Variants in DOCK4 observed in about 807,000 individuals in gnomAD.
DOCK4 encodes the protein dedicator of cytokinesis 4, also known as dedicator of cytokinesis protein 4.
Under a neutral mutation model 268.1 loss-of-function variants are expected in DOCK4, and 97 were observed. The ratio of observed to expected loss-of-function variants is 0.36; its 90% CI spans 0.31 to 0.43. The LOEUF (loss-of-function observed/expected upper bound fraction) is 0.43. Among genes scored for constraint, DOCK4 ranks in the 20% least tolerant of loss-of-function variants. The probability of loss-of-function intolerance (pLI) is 1.00; values close to 1 mark genes in which losing one functional copy is unlikely to be tolerated. For missense variants in DOCK4, 2,145 were observed against 2,455.7 expected (o/e 0.87, Z 2.67); for synonymous variants, 954 against 887.2 (o/e 1.08, Z -1.34).
chr7:111,940,177 C>T lies in DOCK4; in HGVS notation c.910G>A (p.Ala304Thr), dbSNP rs370802479. ...SVQYRRPFGC[A>T]VLSIADLLTG... Reference sequence around the variant, plus strand: ...AGCAGGTCAGCGATGCTAAGAACTGCACAGCCAAAGGGTCGTCGGTACTGG... The same window carrying T: ...AGCAGGTCAGCGATGCTAAGAACTGTACAGCCAAAGGGTCGTCGGTACTGG... Residue 304 changes from alanine to threonine, a missense_variant, in exon 11 of 53, where the codon GCA becomes ACA. Coordinates refer to ENST00000428084, the MANE Select transcript of DOCK4 (RefSeq NM_001363540.2). 5 of 1,614,008 alleles carry T rather than the reference C, an allele frequency of 3.1e-6. No individual in the cohort carries two copies. The African/African-American group carries it at 5.3e-5, about 17-fold the overall frequency.
chr7:112,004,069 G>T lies in DOCK4; in HGVS notation c.100C>A (p.Gln34Lys). 6.2e-7 allele frequency: 1 copy of T among 1,604,080 alleles called. No individual in the cohort carries two copies. The highest frequency in any genetic ancestry group is 2.2e-5 in the East Asian group (1 of 44,582). ...GLSLEIGDTV[Q>K]ILEKCDGWYR... ...TCACCATCACACTTCTCCAGGATCTGAACTGTATCTCCAATTTCCAATGAC... is the reference window on the plus strand; with the variant it reads ...TCACCATCACACTTCTCCAGGATCTTAACTGTATCTCCAATTTCCAATGAC... The change falls in exon 2 of 53, where the codon CAG becomes AAG. Residue 34 changes from glutamine (Q) to lysine (K), a missense_variant. Physicochemically the swap from Gln to Lys is moderately conservative, Grantham distance 53. This residue lies in a region of DOCK4 where 1,598 missense variants were observed against 1,986.7 expected (regional missense o/e 0.80). Coordinates refer to ENST00000428084, the MANE Select transcript of DOCK4 (RefSeq NM_001363540.2).
chr7:111,778,494 T>C (rs1798594180), intron 35 of DOCK4, 125 bp from the exon 36 acceptor site: 4 of 500,302 alleles, frequency 8.0e-6, no homozygotes, highest in Non-Finnish European at 1.4e-5. Flanking sequence ...CATGTAAATA[T>C]CTCTAAAAAT....
chr7:111,737,011 T>C (rs953292573), intron 49 of DOCK4, 22 bp from the exon 50 acceptor site: 13 of 1,592,372 alleles, frequency 8.2e-6, no homozygotes, highest in Non-Finnish European at 1.0e-5. Context: ...CAAGGGTTGA[T>C]TTTTATGATG....
intron 8 of DOCK4, among the ~76,000 whole-genome samples, chr7:111,975,460 T>C (rs997423944): frequency 7.2e-5 from 11 of 152,332 alleles, no homozygotes; most frequent in East Asian, 1.9e-4. Context: ...ACAAATATTA[T>C]CTCTAAATAA....
intron 1 of DOCK4, among the ~76,000 whole-genome samples, chr7:112,145,877 A>G (rs530282991): frequency 1.8e-4 from 28 of 152,326 alleles, no homozygotes; most frequent in African/African-American, 6.5e-4. Flanking sequence ...GCAAGTATGT[A>G]AAAATATATT....
intron 20 of DOCK4, among the ~76,000 whole-genome samples, chr7:111,870,212 T>C (rs1336955103): frequency 1.3e-5 from 2 of 152,150 alleles, no homozygotes; most frequent in African/African-American, 2.4e-5. Context: ...CAAGGTAATT[T>C]TTTTTCCTGT....
intron 40 of DOCK4, 60 bp from the exon 41 acceptor site, chr7:111,758,850 G>T: frequency 3.3e-6 from 5 of 1,531,350 alleles, no homozygotes; most frequent in South Asian, 1.2e-5. Flanking sequence ...AGTCTGGCTT[G>T]GGCTGAGCTA....
chr7:111,728,266 A>G lies in DOCK4; in HGVS notation c.*8T>C. The G allele has an allele frequency of 2.7e-6, 4 of 1,476,584 alleles. No individual in the cohort carries two copies. The highest frequency in any genetic ancestry group is 3.6e-6 in the Non-Finnish European group (4 of 1,113,184). The allele number at this position is 1,476,584 out of a possible 1,614,324, so 91.5% of individuals were successfully genotyped here. A position where few individuals can be genotyped will look rare whatever the true frequency, so the allele number is the denominator to read the frequency against. On this transcript the variant is annotated 3_prime_UTR_variant, in exon 53 of 53. Transcript: ENST00000428084. The stretch of plus-strand genomic sequence containing the variant: ...AAAGAATGCATCGCAGGTACATAGA[A>G]AAGTGACTTATAACTGAGAGACCTT...
intron 1 of DOCK4, among the ~76,000 whole-genome samples, chr7:112,103,256 C>G (rs903327269): frequency 6.6e-6 from 1 of 151,896 alleles, no homozygotes; most frequent in East Asian, 1.9e-4. Context: ...ATCAAAATCC[C>G]CAAACTTGGA....
At chr7:111,801,571 A>G (rs1800284692) in intron 30 of DOCK4, 1 of 151,954 alleles carries the variant, frequency 6.6e-6, no homozygotes, top group African/African-American at 2.4e-5. Context: ...ATCCTTTTGC[A>G]TTCCTACCTT....
intron 1 of DOCK4, among the ~76,000 whole-genome samples, chr7:112,067,906 G>A (rs1807230578): frequency 6.6e-6 from 1 of 152,176 alleles, no homozygotes; most frequent in South Asian, 2.1e-4. Flanking sequence ...CATTTTTGGT[G>A]AAAGATATTG....
intron 1 of DOCK4, among the ~76,000 whole-genome samples, chr7:112,078,505 T>C (rs1554437647): frequency 6.6e-6 from 1 of 152,228 alleles, no homozygotes; most frequent in East Asian, 1.9e-4. Context: ...AGAGAGACGA[T>C]TTAGGAAAAA....
rs10561221 is a variant in DOCK4, at chr7:111,841,152, G to GATTT, written c.2736+3607_2736+3610dup. Among the ~76,000 whole-genome samples the GATTT allele has an allele frequency of 3.8e-3, 577 of 150,448 alleles. 3 individuals carry two copies. The highest frequency in any genetic ancestry group is 0.015 in the East Asian group (78 of 5,100). ...TGAGATAAGTACAACTATTTTCTCT[G>GATTT]ATTTATTTATTTATTTATTTATTTA... On this transcript the variant is annotated intron_variant, in intron 25 of 52. Coordinates refer to ENST00000428084, the MANE Select transcript of DOCK4 (RefSeq NM_001363540.2).
chr7:111,815,258 T>C (rs1801452128), intron 27 of DOCK4, among the ~76,000 whole-genome samples: 1 of 152,228 alleles, frequency 6.6e-6, no homozygotes, highest in African/African-American at 2.4e-5. Context: ...CAAATGCTTT[T>C]CTTTCATACC....
chr7:111,987,684 C>T (rs1416721822), intron 6 of DOCK4, among the ~76,000 whole-genome samples: 1 of 152,106 alleles, frequency 6.6e-6, no homozygotes, highest in African/African-American at 2.4e-5. Context: ...GCTGAAAGCG[C>T]CCTTGTGCTT....
At chr7:111,821,202 C>G (rs906744067) in intron 27 of DOCK4, 9 of 152,096 alleles carry the variant, frequency 5.9e-5, no homozygotes, top group African/African-American at 2.2e-4. Context: ...TAATCAAAAT[C>G]GAATCCTATA....
intron 1 of DOCK4, chr7:112,023,469 C>G (rs1802514539): frequency 3.0e-6 from 1 of 337,346 alleles, no homozygotes. Flanking sequence ...GTTACACTTC[C>G]CATTATAAAA....
intron 30 of DOCK4, chr7:111,808,545 A>G: frequency 3.2e-6 from 1 of 310,190 alleles, no homozygotes; most frequent in Non-Finnish European, 5.9e-6. Flanking sequence ...CATCGCTGGA[A>G]ATATGTGTAA....
intron 1 of DOCK4, among the ~76,000 whole-genome samples, chr7:112,144,632 G>C (rs1291212269): frequency 6.6e-6 from 1 of 152,172 alleles, no homozygotes; most frequent in African/African-American, 2.4e-5. Context: ...TGGCAACAGA[G>C]CTTTGCAGGT....
Sources: allele counts gnomAD v4.1 joint callset (sites outside exome capture counted in the v4.1 genomes callset), GRCh38; gene constraint gnomAD v4.1.1; regional missense constraint gnomAD v4.1.1; transcripts MANE v1.5; gene names NCBI Gene and HGNC (gene_info 2026-07-23, HGNC 2026-07-21).